Variants in ZNG1F observed in about 807,000 individuals in gnomAD.
ZNG1F encodes the protein zinc-regulated GTPase metalloprotein activator 1F.
the ZNG1F span, among the ~76,000 whole-genome samples, chr9:41,154,689 G>A: frequency 2.7e-5 from 4 of 148,900 alleles, no homozygotes; most frequent in African/African-American, 9.9e-5. Context: ...AGAGCCCTCA[G>A]AAATAATGCC....
the ZNG1F span, among the ~76,000 whole-genome samples, chr9:41,152,421 C>T: frequency 6.8e-6 from 1 of 148,098 alleles, no homozygotes; most frequent in African/African-American, 2.5e-5. Context: ...TAACACCCCA[C>T]TGTCAACATT....
chr9:41,158,008 T>C, the ZNG1F span: 7 of 104,630 alleles, frequency 6.7e-5, no homozygotes, highest in African/African-American at 1.0e-4. Context: ...CCCCCACCCC[T>C]CCCCCCGCTA....
the ZNG1F span, among the ~76,000 whole-genome samples, chr9:41,175,277 G>A: frequency 7.0e-6 from 1 of 143,328 alleles, no homozygotes; most frequent in East Asian, 2.1e-4. Flanking sequence ...AAGATCTAAT[G>A]GTTTCCTGAT....
At chr9:41,160,589 A>AT in the ZNG1F span, among the ~76,000 whole-genome samples, 6 of 142,390 alleles carry the variant, frequency 4.2e-5, no homozygotes, top group African/African-American at 1.3e-4. Context: ...GGCTCAGCTA[A>AT]TTTTTTGTAT....
the ZNG1F span, among the ~76,000 whole-genome samples, chr9:41,155,946 C>A: frequency 2.9e-5 from 4 of 136,094 alleles, no homozygotes; most frequent in Non-Finnish European, 6.3e-5. Flanking sequence ...AACTAACCTG[C>A]ACATTGTGCA....
chr9:41,203,023 T>C, the ZNG1F span, among the ~76,000 whole-genome samples: 1 of 152,184 alleles, frequency 6.6e-6, no homozygotes, highest in Non-Finnish European at 1.5e-5. Flanking sequence ...TGTAGAATGT[T>C]CCTTCACTTG....
the ZNG1F span, among the ~76,000 whole-genome samples, chr9:41,160,460 T>C: frequency 1.3e-5 from 1 of 74,152 alleles, no homozygotes; most frequent in Non-Finnish European, 2.9e-5. Context: ...TCTCGCTCTG[T>C]CACCCAGGCT....
At chr9:41,138,152 A>G in the ZNG1F span, among the ~76,000 whole-genome samples, 4 of 136,982 alleles carry the variant, frequency 2.9e-5, 1 homozygote, top group Non-Finnish European at 6.2e-5. Context: ...CAAGATTTAG[A>G]GTTCCTTTTA....
At chr9:41,184,170 T>C in the ZNG1F span, among the ~76,000 whole-genome samples, 14 of 150,952 alleles carry the variant, frequency 9.3e-5, no homozygotes, top group African/African-American at 3.2e-4. Context: ...CAGTGTACCA[T>C]GTGCTCATTT....
At chr9:41,168,938 A>G in the ZNG1F span, among the ~76,000 whole-genome samples, 4 of 117,542 alleles carry the variant, frequency 3.4e-5, no homozygotes, top group African/African-American at 1.1e-4. Flanking sequence ...AGAATTCTTC[A>G]CTCAAAGCTA....
At chr9:41,145,505 T>G in the ZNG1F span, 1 of 624,528 alleles carries the variant, frequency 1.6e-6, no homozygotes, top group East Asian at 3.1e-5. Context: ...GCTGGCAGAT[T>G]AAGTTTTTTT....
the ZNG1F span, among the ~76,000 whole-genome samples, chr9:41,138,296 C>T: frequency 1.2e-5 from 1 of 80,462 alleles, no homozygotes; most frequent in Non-Finnish European, 2.4e-5. Flanking sequence ...TTTGAGGAGG[C>T]TGAAGATAGG....
At chr9:41,158,356 A>T in the ZNG1F span, 1 of 128,896 alleles carries the variant, frequency 7.8e-6, no homozygotes, top group Non-Finnish European at 1.7e-5. Context: ...AAAATAAATA[A>T]AAATAAAAAT....
At chr9:41,146,257 TC>T in the ZNG1F span, among the ~76,000 whole-genome samples, 1 of 130,920 alleles carries the variant, frequency 7.6e-6, no homozygotes, top group East Asian at 2.2e-4. Flanking sequence ...AATAGCTACT[TC>T]AAGTGTCACT....
the ZNG1F span, chr9:41,158,897 C>A: frequency 1.4e-5 from 2 of 138,168 alleles, no homozygotes; most frequent in African/African-American, 5.2e-5. Context: ...AAAAAAAAGA[C>A]CATTACCAGC....
chr9:41,159,300 A>G, the ZNG1F span, among the ~76,000 whole-genome samples: 74 of 143,660 alleles, frequency 5.2e-4, no homozygotes, highest in African/African-American at 1.8e-3. Context: ...ATAGCTGAGC[A>G]AACTGCAATG....
the ZNG1F span, chr9:41,145,633 C>T: frequency 3.4e-4 from 36 of 104,636 alleles, no homozygotes; most frequent in Non-Finnish European, 6.3e-4. Flanking sequence ...AATTTCTTTA[C>T]CATTCCAACA....
At chr9:41,166,411 GTC>G in the ZNG1F span, among the ~76,000 whole-genome samples, 1 of 88,940 alleles carries the variant, frequency 1.1e-5, no homozygotes, top group Non-Finnish European at 2.2e-5. Flanking sequence ...GTGAGATTCT[GTC>G]TCAAAAAATA....
the ZNG1F span, among the ~76,000 whole-genome samples, chr9:41,183,935 C>T: frequency 6.8e-6 from 1 of 148,076 alleles, no homozygotes; most frequent in African/African-American, 2.5e-5. Flanking sequence ...TCTTACTTGG[C>T]CACCCCCATT....
Sources: allele counts gnomAD v4.1 joint callset (sites outside exome capture counted in the v4.1 genomes callset), GRCh38; gene constraint gnomAD v4.1.1; transcripts MANE v1.5; gene names NCBI Gene and HGNC (gene_info 2026-07-23, HGNC 2026-07-21).